Variants in EIF3H observed in about 807,000 individuals in gnomAD.
The protein encoded by EIF3H is eukaryotic translation initiation factor 3 subunit H.
A neutral mutation model predicts 44.2 loss-of-function variants in EIF3H; 26 were observed. The ratio of observed to expected loss-of-function variants is 0.59; its 90% CI spans 0.43 to 0.82. EIF3H has a LOEUF of 0.82. EIF3H is among the 40% of genes least tolerant of loss of function. EIF3H has a pLI of 0.00. For synonymous variants in EIF3H, 166 were observed against 151.9 expected (o/e 1.09, Z -0.68); for missense variants, 359 against 432.8 (o/e 0.83, Z 1.51).
intron 2 of EIF3H, among the ~76,000 whole-genome samples, chr8:116,704,664 G>A (rs1261725136): frequency 1.3e-5 from 2 of 152,110 alleles, no homozygotes; most frequent in Non-Finnish European, 2.9e-5. Context: ...TCAGATAAAC[G>A]TTGAAGAACA....
intron 2 of EIF3H, among the ~76,000 whole-genome samples, chr8:116,688,219 G>A (rs1353086092): frequency 6.6e-6 from 1 of 152,124 alleles, no homozygotes; most frequent in African/African-American, 2.4e-5. Context: ...CAATATGCTT[G>A]AAACACAGAA....
At chr8:116,653,742 T>A (rs933432135) in intron 5 of EIF3H, among the ~76,000 whole-genome samples, 1 of 152,212 alleles carries the variant, frequency 6.6e-6, no homozygotes, top group African/African-American at 2.4e-5. Flanking sequence ...TACACATTTT[T>A]AAAAACTAAT....
chr8:116,645,435 GAAAGGAGAT>G (rs1381920531), intron 7 of EIF3H, among the ~76,000 whole-genome samples: 1 of 152,328 alleles, frequency 6.6e-6, no homozygotes, highest in African/African-American at 2.4e-5. Context: ...TTCACAGGTA[GAAAGGAGAT>G]ACTAACAATA....
intron 2 of EIF3H, among the ~76,000 whole-genome samples, chr8:116,666,671 T>C (rs535878334): frequency 6.9e-6 from 1 of 145,226 alleles, no homozygotes; most frequent in East Asian, 2.0e-4. Context: ...ATATAAAGAA[T>C]AGCTTACTGA....
intron 2 of EIF3H, among the ~76,000 whole-genome samples, chr8:116,677,204 A>C (rs77994758): frequency 0.1 from 15,497 of 152,268 alleles, 1,179 homozygotes; most frequent in East Asian, 0.42. Flanking sequence ...TTGCAGAAAA[A>C]TACTCTGTGC....
intron 1 of EIF3H, among the ~76,000 whole-genome samples, chr8:116,735,774 C>T (rs1815025312): frequency 6.6e-6 from 1 of 150,870 alleles, no homozygotes; most frequent in South Asian, 2.1e-4. Flanking sequence ...TGCAGGTATG[C>T]TTGCAGGAGG....
chr8:116,697,400 C>G (rs1404089267), intron 2 of EIF3H, among the ~76,000 whole-genome samples: 2 of 152,196 alleles, frequency 1.3e-5, no homozygotes, highest in Non-Finnish European at 2.9e-5. Flanking sequence ...TGCTGACAAA[C>G]TTGCTTGCTT....
intron 2 of EIF3H, among the ~76,000 whole-genome samples, chr8:116,696,143 C>G (rs560898279): frequency 6.6e-6 from 1 of 152,286 alleles, no homozygotes; most frequent in Admixed American, 6.5e-5. Context: ...CTTGGACGAT[C>G]TAGGGCTCCT....
At chr8:116,673,938 T>C (rs1373828043) in intron 2 of EIF3H, among the ~76,000 whole-genome samples, 3 of 151,314 alleles carry the variant, frequency 2.0e-5, no homozygotes, top group South Asian at 2.1e-4. Flanking sequence ...GGCGTGGTGG[T>C]GGGCGCCTGT....
intron 2 of EIF3H, among the ~76,000 whole-genome samples, chr8:116,696,428 T>A (rs183116805): frequency 1.3e-5 from 2 of 152,312 alleles, no homozygotes; most frequent in East Asian, 1.9e-4. Context: ...CATGACTAAA[T>A]TGAAAATTTC....
Position 116,653,121 on chromosome 8 carries a change from A to G in EIF3H, c.707+2735T>C, listed in dbSNP as rs371305727. On this transcript the variant is annotated intron_variant, in intron 5 of 7. Coordinates refer to ENST00000521861, the MANE Select transcript of EIF3H (RefSeq NM_003756.3). ...GTACTGCCATATGCAGAGAAAATACACCTAGACCTTAAATCTTGGAGGTTG... is the reference window on the plus strand; with the variant it reads ...GTACTGCCATATGCAGAGAAAATACGCCTAGACCTTAAATCTTGGAGGTTG... 3.9e-5 allele frequency among the ~76,000 whole-genome samples: 6 copies of G among 152,236 alleles called. No individual in the cohort carries two copies. The East Asian group carries it at 9.6e-4, about 24-fold the overall frequency.
chr8:116,649,443 C>G (rs1440876104), intron 5 of EIF3H, among the ~76,000 whole-genome samples: 1 of 152,106 alleles, frequency 6.6e-6, no homozygotes, highest in Non-Finnish European at 1.5e-5. Context: ...TTCCTAGAAT[C>G]TGTAGTACAG....
intron 7 of EIF3H, among the ~76,000 whole-genome samples, chr8:116,645,346 A>G (rs1813280174): frequency 6.6e-6 from 1 of 152,254 alleles, no homozygotes; most frequent in Non-Finnish European, 1.5e-5. Context: ...CCCTAAGGAC[A>G]TAATAGCTGT....
chr8:116,754,625 T>C (rs1456490220), intron 1 of EIF3H, among the ~76,000 whole-genome samples: 2 of 150,908 alleles, frequency 1.3e-5, no homozygotes, highest in Non-Finnish European at 2.9e-5. Context: ...TCATTCCCAC[T>C]TGACAGATGA....
At chr8:116,752,716 GA>G (rs1195796586) in intron 1 of EIF3H, among the ~76,000 whole-genome samples, 1 of 126,814 alleles carries the variant, frequency 7.9e-6, no homozygotes, top group Non-Finnish European at 1.6e-5. Flanking sequence ...AAGAAAGAAA[GA>G]AAGAAAGAAA....
chr8:116,688,413 G>C (rs944608527), intron 2 of EIF3H, among the ~76,000 whole-genome samples: 1 of 151,904 alleles, frequency 6.6e-6, no homozygotes. Context: ...AATAAAATGT[G>C]ATATATTCAT....
intron 2 of EIF3H, among the ~76,000 whole-genome samples, chr8:116,661,090 T>C (rs1052426792): frequency 1.1e-4 from 16 of 152,224 alleles, no homozygotes; most frequent in Non-Finnish European, 1.5e-4. Context: ...GCAAGTGGGA[T>C]AGAATCACTG....
At chr8:116,727,915 A>G (rs1264703763) in intron 1 of EIF3H, among the ~76,000 whole-genome samples, 2 of 152,164 alleles carry the variant, frequency 1.3e-5, no homozygotes, top group Non-Finnish European at 2.9e-5. Context: ...ATATGGTATT[A>G]TACTGTGAAT....
intron 2 of EIF3H, among the ~76,000 whole-genome samples, chr8:116,703,520 C>T (rs553626749): frequency 2.0e-5 from 3 of 152,358 alleles, no homozygotes; most frequent in South Asian, 4.1e-4. Context: ...CCACTCTGTA[C>T]ACCTGGCTCC....
Sources: allele counts gnomAD v4.1 joint callset (sites outside exome capture counted in the v4.1 genomes callset), GRCh38; gene constraint gnomAD v4.1.1; transcripts MANE v1.5; gene names NCBI Gene and HGNC (gene_info 2026-07-23, HGNC 2026-07-21).